Variants in COG5 observed in about 807,000 individuals in gnomAD.
The protein encoded by COG5 is component of oligomeric golgi complex 5.
COG5 carries 86 observed loss-of-function variants against 110.4 expected under a neutral mutation model. The ratio of observed to expected loss-of-function variants is 0.78; its 90% CI spans 0.65 to 0.93. The LOEUF (loss-of-function observed/expected upper bound fraction) is 0.93. COG5 is among the 40% of genes least tolerant of loss of function. COG5 has a pLI of 0.00. For missense variants in COG5, 1,077 were observed against 987.0 expected (o/e 1.09, Z -1.22); for synonymous variants, 360 against 334.6 (o/e 1.08, Z -0.83).
chr7:107,241,837 A>G (rs1423202918), intron 17 of COG5, among the ~76,000 whole-genome samples: 2 of 151,972 alleles, frequency 1.3e-5, no homozygotes, highest in African/African-American at 4.8e-5. Context: ...CTGGAGTGCA[A>G]TGGCATGATT....
At chr7:107,286,910 TTATG>T (rs1805688662) in intron 12 of COG5, among the ~76,000 whole-genome samples, 2 of 152,128 alleles carry the variant, frequency 1.3e-5, no homozygotes, top group South Asian at 4.1e-4. Context: ...TGTATAAATA[TTATG>T]TGTCAGTTAA....
chr7:107,266,778 G>A lies in COG5; in HGVS notation c.1576-8395C>T, dbSNP rs112667001. Among the ~76,000 whole-genome samples, 10 of 152,244 alleles carry A rather than the reference G, an allele frequency of 6.6e-5. 3 individuals are homozygous for A. Among genetic ancestry groups the A allele is most frequent in the African/African-American group, 2.4e-4 (10 of 41,562 alleles). ...AGACTTTCCTATGAGTTATGTGTGT[G>A]TGCTTTAGTATATGGACACTGTAAC... is the stretch of plus-strand genomic sequence containing the variant. On this transcript the variant is annotated intron_variant, in intron 14 of 21. Transcript: ENST00000297135.
chr7:107,361,947 T>C (rs1813154645), intron 10 of COG5, 86 bp downstream of exon 10: 1 of 844,080 alleles, frequency 1.2e-6, no homozygotes. Context: ...AGCCACTCTA[T>C]AAGGTAGTAG....
intron 7 of COG5, among the ~76,000 whole-genome samples, chr7:107,405,315 C>T (rs968255215): frequency 1.3e-5 from 2 of 152,262 alleles, no homozygotes; most frequent in South Asian, 2.1e-4. Flanking sequence ...AACAATGGTT[C>T]GTTTCACTCT....
chr7:107,348,270 T>C (rs1362984434), intron 10 of COG5, among the ~76,000 whole-genome samples: 5 of 152,108 alleles, frequency 3.3e-5, no homozygotes, highest in Non-Finnish European at 4.4e-5. Context: ...AACTGGACTG[T>C]AATTTTCCTT....
intron 6 of COG5, among the ~76,000 whole-genome samples, chr7:107,492,348 G>C (rs969920652): frequency 1.6e-4 from 25 of 151,936 alleles, no homozygotes; most frequent in Non-Finnish European, 3.2e-4. Context: ...TATTGCTACC[G>C]TAACAAATTA....
chr7:107,529,024 TAAAAAA>T (rs58281094), intron 5 of COG5, among the ~76,000 whole-genome samples: 2 of 97,842 alleles, frequency 2.0e-5, no homozygotes, highest in African/African-American at 1.0e-4. Context: ...AATACTTAAA[TAAAAAA>T]AAAAAAAAAG....
At chr7:107,249,688 G>T (rs963769859) in intron 16 of COG5, among the ~76,000 whole-genome samples, 1 of 119,140 alleles carries the variant, frequency 8.4e-6, no homozygotes, top group African/African-American at 3.5e-5. Context: ...CAACGTACAG[G>T]ATTGTGTGTG....
chr7:107,498,403 G>A (rs950370516), intron 6 of COG5, among the ~76,000 whole-genome samples: 2 of 152,004 alleles, frequency 1.3e-5, no homozygotes, highest in East Asian at 1.9e-4. Context: ...TTTCCAAAAC[G>A]TATAAGGGAC....
intron 10 of COG5, among the ~76,000 whole-genome samples, chr7:107,328,652 T>A (rs1488356755): frequency 3.3e-5 from 5 of 152,156 alleles, no homozygotes; most frequent in Admixed American, 1.3e-4. Flanking sequence ...TTCCCTTATT[T>A]AAAAAAGTTA....
At chr7:107,361,805 C>A (rs566641575) in intron 10 of COG5, among the ~76,000 whole-genome samples, 4 of 152,284 alleles carry the variant, frequency 2.6e-5, no homozygotes, top group African/African-American at 9.6e-5. Flanking sequence ...CATGATCCAC[C>A]CACCTTGGCC....
chr7:107,456,933 A>G (rs1795700165), intron 6 of COG5, among the ~76,000 whole-genome samples: 1 of 152,230 alleles, frequency 6.6e-6, no homozygotes, highest in South Asian at 2.1e-4. Context: ...CTGCCCTAAT[A>G]TAGCTTAAAA....
At chr7:107,342,558 A>G (rs1419537255) in intron 10 of COG5, among the ~76,000 whole-genome samples, 1 of 151,914 alleles carries the variant, frequency 6.6e-6, no homozygotes, top group African/African-American at 2.4e-5. Flanking sequence ...GGCACCTGTG[A>G]TCTCAGCTAC....
intron 5 of COG5, among the ~76,000 whole-genome samples, chr7:107,533,574 C>T (rs780901155): frequency 6.6e-6 from 1 of 151,208 alleles, no homozygotes; most frequent in Non-Finnish European, 1.5e-5. Context: ...CAGAGACTGA[C>T]GATCAACTTA....
chr7:107,320,576 T>C (rs1809172694), intron 11 of COG5, among the ~76,000 whole-genome samples: 1 of 152,192 alleles, frequency 6.6e-6, no homozygotes. Context: ...GCCTAAGTCA[T>C]GATGCATATC....
At chr7:107,387,390 A>G (rs1024763986) in intron 7 of COG5, among the ~76,000 whole-genome samples, 4 of 152,236 alleles carry the variant, frequency 2.6e-5, no homozygotes, top group African/African-American at 9.6e-5. Context: ...AAGCAAGTGC[A>G]AAGTGGCTGC....
chr7:107,317,118 T>G (rs1808830397), intron 11 of COG5, among the ~76,000 whole-genome samples: 1 of 152,074 alleles, frequency 6.6e-6, no homozygotes. Context: ...ATATGAAAGA[T>G]GGCTTTCAAG....
chr7:107,442,897 G>A (rs1275353693), intron 6 of COG5, among the ~76,000 whole-genome samples: 1 of 152,114 alleles, frequency 6.6e-6, no homozygotes, highest in Admixed American at 6.6e-5. Flanking sequence ...TAACTCTCCA[G>A]TTCCTTAATT....
At chr7:107,271,964 A>G (rs1188255707) in intron 14 of COG5, among the ~76,000 whole-genome samples, 2 of 152,118 alleles carry the variant, frequency 1.3e-5, no homozygotes, top group African/African-American at 4.8e-5. Context: ...TATTTTTTTA[A>G]AATATTCCTC....
Sources: allele counts gnomAD v4.1 joint callset (sites outside exome capture counted in the v4.1 genomes callset), GRCh38; gene constraint gnomAD v4.1.1; transcripts MANE v1.5; gene names NCBI Gene and HGNC (gene_info 2026-07-23, HGNC 2026-07-21).